G3BP2: variants seen among roughly 807,000 people sequenced by gnomAD.
G3BP2 encodes G3BP stress granule assembly factor 2, also known as ras GTPase-activating protein-binding protein 2.
A neutral mutation model predicts 56.7 loss-of-function variants in G3BP2; 11 were observed. That is an observed-to-expected ratio of 0.19 (90% CI 0.12 to 0.32). G3BP2 has a LOEUF of 0.32. Among genes scored for constraint, G3BP2 ranks in the 10% least tolerant of loss-of-function variants. The pLI is 1.00. For synonymous variants in G3BP2, 165 were observed against 191.6 expected (o/e 0.86, Z 1.15); for missense variants, 340 against 610.9 (o/e 0.56, Z 4.67).
chr4:75,660,244 C>T (rs1272274016), intron 2 of G3BP2, among the ~76,000 whole-genome samples: 1 of 151,974 alleles, frequency 6.6e-6, no homozygotes, highest in Non-Finnish European at 1.5e-5. Flanking sequence ...TCAAAAGGCC[C>T]TATTAATTAT....
chr4:75,672,665 AC>A (rs1279539538), intron 1 of G3BP2: 1 of 152,150 alleles, frequency 6.6e-6, no homozygotes, highest in African/African-American at 2.4e-5. Flanking sequence ...GGAGGCCGCC[AC>A]TTTCGCATCT....
intron 3 of G3BP2, among the ~76,000 whole-genome samples, chr4:75,683,175 G>T (rs1267511554): frequency 6.6e-6 from 1 of 152,072 alleles, no homozygotes; most frequent in Non-Finnish European, 1.5e-5. Context: ...CAAAACTGGG[G>T]GATCTGGCTC....
chr4:75,722,543 A>G (rs1025884936), intron 1 of G3BP2, among the ~76,000 whole-genome samples: 1 of 152,156 alleles, frequency 6.6e-6, no homozygotes, highest in African/African-American at 2.4e-5. Context: ...GACAAGGTGA[A>G]GTGAGGTTCA....
intron 8 of G3BP2, among the ~76,000 whole-genome samples, chr4:75,653,304 T>C (rs1313625374): frequency 1.3e-5 from 2 of 152,130 alleles, no homozygotes; most frequent in Non-Finnish European, 2.9e-5. Flanking sequence ...AGGGAAAAAA[T>C]TGGACACCCT....
chr4:75,645,281 C>G lies in G3BP2; in HGVS notation c.*149G>C. Reference sequence around the variant, plus strand: ...GTGAAATTGGGGAAATAATGTCCACCTCAATTTAACTGATAACCAAAGATG... The same window carrying G: ...GTGAAATTGGGGAAATAATGTCCACGTCAATTTAACTGATAACCAAAGATG... On this transcript the variant is annotated 3_prime_UTR_variant, in exon 12 of 12. Transcript: ENST00000359707. 1 of 658,234 alleles carries G rather than the reference C, an allele frequency of 1.5e-6. No homozygotes were observed. The highest frequency in any genetic ancestry group is 2.5e-6 in the Non-Finnish European group (1 of 393,636). The allele number at this position is 658,234 out of a possible 1,614,324, so 40.8% of individuals were successfully genotyped here. A position where few individuals can be genotyped will look rare whatever the true frequency, so the allele number is the denominator to read the frequency against.
intron 3 of G3BP2, chr4:75,694,916 G>A (rs1719040940): frequency 1.0e-6 from 1 of 985,632 alleles, no homozygotes; most frequent in Middle Eastern, 5.2e-4. Context: ...GAAGCGATAA[G>A]GACATGAAGG....
At chr4:75,655,621 AT>A in intron 6 of G3BP2, 146 bp downstream of exon 6, 2 of 588,596 alleles carry the variant, frequency 3.4e-6, no homozygotes, top group South Asian at 4.5e-5. Flanking sequence ...TTCTTTCCAA[AT>A]TTCTTGCATA....
At chr4:75,661,064 A>C (rs1732509892) in intron 2 of G3BP2, among the ~76,000 whole-genome samples, 1 of 152,182 alleles carries the variant, frequency 6.6e-6, no homozygotes, top group African/African-American at 2.4e-5. Context: ...GTTTGGGAGA[A>C]CTTTAAAAAA....
intron 3 of G3BP2, among the ~76,000 whole-genome samples, chr4:75,703,839 AG>A (rs1195892479): frequency 1.3e-5 from 2 of 152,136 alleles, no homozygotes; most frequent in Non-Finnish European, 2.9e-5. Context: ...GATGTTTCCA[AG>A]GTCATTTCAT....
chr4:75,663,333 T>C (rs1732717950), intron 1 of G3BP2, among the ~76,000 whole-genome samples: 1 of 102,016 alleles, frequency 9.8e-6, no homozygotes, highest in Non-Finnish European at 2.0e-5. Flanking sequence ...CATGGCTCAC[T>C]GCAGCCTCAA....
chr4:75,661,836 G>C, intron 2 of G3BP2, 95 bp downstream of exon 2: 1 of 651,004 alleles, frequency 1.5e-6, no homozygotes, highest in Admixed American at 2.6e-5. Flanking sequence ...CAAAGATACT[G>C]TCAGATAATG....
chr4:75,670,169 T>C (rs781532549), intron 1 of G3BP2, among the ~76,000 whole-genome samples: 20 of 152,220 alleles, frequency 1.3e-4, no homozygotes, highest in Admixed American at 3.3e-4. Flanking sequence ...ATCTCCACTA[T>C]AGGATACTTA....
In G3BP2 at chr4:75,654,022, G is replaced by A; in HGVS notation, c.786C>T (p.Ser262=). ...KNLPPSGTVS[S]SGIPPHVKAP... ...CTTTAACATGGGGTGGAATTCCAGAGGAAGAAACAGTACCACTAGGAGGCA... is the reference window on the plus strand; with the variant it reads ...CTTTAACATGGGGTGGAATTCCAGAAGAAGAAACAGTACCACTAGGAGGCA... Residue 262 remains serine, a synonymous_variant, in exon 8 of 12, where the codon TCC becomes TCT. Coordinates refer to ENST00000359707, the MANE Select transcript of G3BP2 (RefSeq NM_203505.3). The A allele has an allele frequency of 6.3e-7, 1 of 1,597,210 alleles. No homozygotes were observed. The highest frequency in any genetic ancestry group is 8.6e-7 in the Non-Finnish European group (1 of 1,164,732).
At chr4:75,650,622 T>A (rs1731620325) in intron 8 of G3BP2, among the ~76,000 whole-genome samples, 1 of 152,198 alleles carries the variant, frequency 6.6e-6, no homozygotes, top group African/African-American at 2.4e-5. Flanking sequence ...ATTCTAGAAT[T>A]CTACTAGTTA....
Position 75,643,295 on chromosome 4 carries a change from T to TTATATATTTATATATATATATATATA in G3BP2, c.*2134_*2135insTATATATATATATATATAAATATATA, listed in dbSNP as rs1730986015. ...GCAGGGCAATATCCTGAATTGGAAA[T>TTATATATTTATATATATATATATATA]TATATATATATATATATATATGGAA... On this transcript the variant is annotated 3_prime_UTR_variant, in exon 12 of 12. Coordinates refer to ENST00000359707, the MANE Select transcript of G3BP2 (RefSeq NM_203505.3). The TTATATATTTATATATATATATATATA allele has an allele frequency of 5.0e-5, 5 of 99,942 alleles. 1 individual carries two copies. The highest frequency in any genetic ancestry group is 2.7e-4 in the Admixed American group (3 of 10,910). The allele number at this position is 99,942 out of a possible 1,614,324, so 6.2% of individuals were successfully genotyped here.
chr4:75,662,220 A>ATT, intron 1 of G3BP2, 171 bp from the exon 2 acceptor site: 5 of 402,832 alleles, frequency 1.2e-5, no homozygotes, highest in Non-Finnish European at 2.2e-5. Flanking sequence ...AACCTGAAAT[A>ATT]ATTTTTTTTT....
intron 3 of G3BP2, among the ~76,000 whole-genome samples, chr4:75,704,962 G>A (rs1210793657): frequency 6.6e-6 from 1 of 152,220 alleles, no homozygotes; most frequent in Non-Finnish European, 1.5e-5. Flanking sequence ...CCTGCCCTGA[G>A]ATTTAAGCCT....
intron 3 of G3BP2, among the ~76,000 whole-genome samples, chr4:75,681,572 A>G (rs1734074187): frequency 6.6e-6 from 1 of 151,702 alleles, no homozygotes; most frequent in Admixed American, 6.6e-5. Flanking sequence ...ATAACAGGCC[A>G]GGCGTGGTGG....
Position 75,687,069 on chromosome 4 carries a change from C to T in G3BP2, c.-24-25020G>A, listed in dbSNP as rs540520410. ...ATAGCAAGACCCCCATCTCTAAATA[C>T]ATGCATACATACATACCTACATACA... On this transcript the variant is annotated intron_variant, in intron 3 of 3. Transcript: ENST00000499709. 4.9e-4 allele frequency among the ~76,000 whole-genome samples: 74 copies of T among 152,196 alleles called. 1 individual carries two copies. In the Middle Eastern group the frequency reaches 0.014, roughly 28 times the overall value.
Sources: allele counts gnomAD v4.1 joint callset (sites outside exome capture counted in the v4.1 genomes callset), GRCh38; gene constraint gnomAD v4.1.1; transcripts MANE v1.5; gene names NCBI Gene and HGNC (gene_info 2026-07-23, HGNC 2026-07-21).